The following MAPKAPK2 variants were observed in gnomAD, a reference collection of about 807,000 sequenced individuals.
The protein encoded by MAPKAPK2 is MAPK activated protein kinase 2.
MAPKAPK2 carries 9 observed loss-of-function variants against 48.8 expected under a neutral mutation model. The observed-to-expected ratio is 0.18, with a 90% CI of 0.11 to 0.32. MAPKAPK2 has a LOEUF of 0.32. Ranked by LOEUF, MAPKAPK2 falls within the 10% of genes least tolerant of loss-of-function variation. MAPKAPK2 has a pLI of 1.00. For missense variants in MAPKAPK2, 331 were observed against 498.3 expected, an observed-to-expected ratio of 0.66 and a Z score of 3.20; for synonymous variants, 202 against 190.6, an observed-to-expected ratio of 1.06 and a Z score of -0.49.
Position 206,731,723 on chromosome 1 carries a change from A to G in MAPKAPK2, c.976A>G (p.Met326Val). 6.2e-7 allele frequency: 1 copy of G among 1,614,090 alleles called. No individual in the cohort carries two copies. The highest frequency in any genetic ancestry group is 8.5e-7 in the Non-Finnish European group (1 of 1,179,966). Residue 326 changes from methionine to valine, a missense_variant and splice_region_variant, in exon 8 of 10, where the codon ATG (methionine) becomes GTG (valine). Around this residue, in one of 4 missense-constraint regions of MAPKAPK2, gnomAD observed 124 missense variants for 194.6 expected, o/e 0.64. Coordinates refer to ENST00000367103, the MANE Select transcript of MAPKAPK2 (RefSeq NM_032960.4). The surrounding 1 kb of genome is among the most constrained non-coding windows in gnomAD (Gnocchi z 5.9). ...ITEFMNHPWI[M>V]QSTKVPQTPL... ...CGAGTTTATGAACCACCCTTGGATC[A>G]TGGTAAGCTCGGCAGGCTGGGGAGC...
intron 1 of MAPKAPK2, among the ~76,000 whole-genome samples, chr1:206,712,491 T>A (rs1673187688): frequency 6.6e-6 from 1 of 151,808 alleles, no homozygotes; most frequent in South Asian, 2.1e-4. Flanking sequence ...GAAGATGGGT[T>A]TTTTTGTTGT....
chr1:206,729,936 A>G (rs374300844), intron 4 of MAPKAPK2, 36 bp from the exon 5 acceptor site: 43 of 1,613,814 alleles, frequency 2.7e-5, no homozygotes, highest in Non-Finnish European at 3.3e-5. Flanking sequence ...TCCCAGGTCC[A>G]GCAGGGTTGC....
At chr1:206,687,357 T>C (rs1672319241) in intron 1 of MAPKAPK2, among the ~76,000 whole-genome samples, 1 of 152,228 alleles carries the variant, frequency 6.6e-6, no homozygotes, top group Non-Finnish European at 1.5e-5. Context: ...TTGAATAGTT[T>C]TGGAAGGAAA....
intron 1 of MAPKAPK2, among the ~76,000 whole-genome samples, chr1:206,705,080 C>A (rs1672911134): frequency 6.6e-6 from 1 of 152,220 alleles, no homozygotes; most frequent in African/African-American, 2.4e-5. Flanking sequence ...TTATTAACAT[C>A]CTACGGAATA....
intron 1 of MAPKAPK2, among the ~76,000 whole-genome samples, chr1:206,709,701 C>T (rs1283472846): frequency 6.6e-6 from 1 of 152,186 alleles, no homozygotes; most frequent in Non-Finnish European, 1.5e-5. Context: ...AGGTACTATT[C>T]AAATTAGCTT....
chr1:206,730,237 T>C, intron 5 of MAPKAPK2, 139 bp downstream of exon 5: 1 of 1,024,156 alleles, frequency 9.8e-7, no homozygotes. Context: ...TGCTGGGACC[T>C]GCTGAGAAGT....
intron 1 of MAPKAPK2, among the ~76,000 whole-genome samples, chr1:206,687,307 C>A (rs1485112676): frequency 6.6e-6 from 1 of 152,188 alleles, no homozygotes; most frequent in African/African-American, 2.4e-5. Context: ...TCAGATTTCT[C>A]TTGTAACTAA....
chr1:206,704,584 G>A lies in MAPKAPK2; in HGVS notation c.279+19076G>A, dbSNP rs1323653795. On this transcript the variant is annotated intron_variant, in intron 1 of 9. Transcript: ENST00000367103. This position sits in a 1 kb window ranked among gnomAD's most constrained non-coding sequence, Gnocchi z 4.3. ...GGAATAAAACCAGCCGGCTCATCTA[G>A]GGGCTGATATCTGTCCGTGGTGACA... Among the ~76,000 whole-genome samples, 2 of 152,202 alleles carry A rather than the reference G, an allele frequency of 1.3e-5. No individual in the cohort carries two copies. The highest frequency in any genetic ancestry group is 2.9e-5 in the Non-Finnish European group (2 of 68,042).
At chr1:206,708,464 A>G (rs987755212) in intron 1 of MAPKAPK2, among the ~76,000 whole-genome samples, 7 of 152,320 alleles carry the variant, frequency 4.6e-5, no homozygotes, top group African/African-American at 1.4e-4. Flanking sequence ...TCATGTCTCT[A>G]CGTGTTTCAA....
chr1:206,719,847 T>C (rs1553430991), intron 1 of MAPKAPK2, among the ~76,000 whole-genome samples: 1 of 152,234 alleles, frequency 6.6e-6, no homozygotes, highest in Non-Finnish European at 1.5e-5. Flanking sequence ...AGCATCTTAT[T>C]TCTTTCCTTT....
intron 1 of MAPKAPK2, among the ~76,000 whole-genome samples, chr1:206,691,946 G>A (rs1553426363): frequency 6.6e-6 from 1 of 152,172 alleles, no homozygotes; most frequent in African/African-American, 2.4e-5. Flanking sequence ...CTGGTGACTC[G>A]GCAGAGAGGA....
intron 1 of MAPKAPK2, among the ~76,000 whole-genome samples, chr1:206,717,080 A>G (rs187963775): frequency 1.3e-5 from 2 of 152,334 alleles, no homozygotes; most frequent in Admixed American, 6.5e-5. Context: ...GGAGGGGACG[A>G]GAGAGGCCAG....
intron 1 of MAPKAPK2, among the ~76,000 whole-genome samples, chr1:206,710,504 C>T (rs931556456): frequency 6.6e-6 from 1 of 152,116 alleles, no homozygotes; most frequent in Non-Finnish European, 1.5e-5. Flanking sequence ...AATTTCAAGC[C>T]AAACGTAATG....
intron 1 of MAPKAPK2, among the ~76,000 whole-genome samples, chr1:206,686,216 GATC>G (rs1299041732): frequency 6.6e-6 from 1 of 152,200 alleles, no homozygotes; most frequent in Non-Finnish European, 1.5e-5. Context: ...CGGCCCGGCT[GATC>G]ATTGTGAACA....
Position 206,685,521 on chromosome 1 carries a change from C to T in MAPKAPK2, c.279+13C>T. ...ATTCGCCCTCAAAGTAGGTCTGGGG[C>T]CCGGGGAGGGGAGGCGGGGCCGGTC... On this transcript the variant is annotated intron_variant, in intron 1 of 9. Coordinates refer to ENST00000367103, the MANE Select transcript of MAPKAPK2 (RefSeq NM_032960.4). The T allele has an allele frequency of 6.7e-7, 1 of 1,499,998 alleles. No homozygotes were observed. Among genetic ancestry groups the T allele is most frequent in the Non-Finnish European group, 8.9e-7 (1 of 1,118,256 alleles). 92.9% of individuals were successfully genotyped at this position (1,499,998 alleles called of 1,614,324 possible).
intron 1 of MAPKAPK2, among the ~76,000 whole-genome samples, chr1:206,689,974 C>T (rs1672405633): frequency 6.6e-6 from 1 of 152,078 alleles, no homozygotes; most frequent in Non-Finnish European, 1.5e-5. Context: ...AAGGGAGGCT[C>T]CAGCTGGGGT....
chr1:206,733,004 TTTG>T lies in MAPKAPK2; in HGVS notation c.*291_*293del, dbSNP rs1348624387. On this transcript the variant is annotated 3_prime_UTR_variant, in exon 10 of 10. Transcript: ENST00000367103. Reference sequence around the variant, plus strand: ...GACTTAGAGTTTTTACGAAACCTCTTTTGTTGTCCTTGCCCCACTCCTCTCCAC... The same window carrying T: ...GACTTAGAGTTTTTACGAAACCTCTTTTGTCCTTGCCCCACTCCTCTCCAC... 1 of 381,412 alleles carries T rather than the reference TTTG, an allele frequency of 2.6e-6. No homozygotes were observed. The highest frequency in any genetic ancestry group is 4.9e-5 in the East Asian group (1 of 20,584). The allele number at this position is 381,412 out of a possible 1,614,324, so 23.6% of individuals were successfully genotyped here.
intron 1 of MAPKAPK2, among the ~76,000 whole-genome samples, chr1:206,716,805 A>G (rs782724448): frequency 4.6e-5 from 7 of 151,970 alleles, no homozygotes; most frequent in African/African-American, 7.3e-5. Context: ...AGTAGATACT[A>G]GATACCTAGA....
chr1:206,693,616 G>T (rs1251676279), intron 1 of MAPKAPK2, among the ~76,000 whole-genome samples: 1 of 152,270 alleles, frequency 6.6e-6, no homozygotes, highest in East Asian at 1.9e-4. Context: ...CTCCAAGCAG[G>T]CCTCTTTGCC....
Sources: gnomAD v4.1 joint callset for allele counts (sites outside exome capture counted in the v4.1 genomes callset) on GRCh38, gnomAD v4.1.1 for gene constraint, gnomAD v4.1.1 regional missense constraint, Gnocchi (gnomAD v3.1) non-coding constraint, MANE v1.5 for transcripts, NCBI Gene and HGNC (gene_info 2026-07-23, HGNC 2026-07-21) for gene names.